The following MED26 variants were observed in gnomAD, a reference collection of about 807,000 sequenced individuals.
The protein encoded by MED26 is mediator of RNA polymerase II transcription subunit 26.
In MED26, 7 loss-of-function variants were observed where a neutral mutation model predicts 43.7. That is an observed-to-expected ratio of 0.16 (90% CI 0.09 to 0.30). MED26 has a LOEUF of 0.30. Ranked by LOEUF, MED26 falls within the 10% of genes least tolerant of loss-of-function variation. The probability of loss-of-function intolerance (pLI) is 1.00; values close to 1 mark genes in which losing one functional copy is unlikely to be tolerated. For missense variants in MED26, 784 were observed against 840.6 expected (o/e 0.93, Z 0.83); for synonymous variants, 375 against 371.1 (o/e 1.01, Z -0.12).
At chr19:16,603,865 T>C (rs1427037746) in intron 1 of MED26, among the ~76,000 whole-genome samples, 2 of 152,130 alleles carry the variant, frequency 1.3e-5, no homozygotes, top group Non-Finnish European at 2.9e-5. Flanking sequence ...GTACAGGCTC[T>C]GGGCAGAGCC....
intron 1 of MED26, among the ~76,000 whole-genome samples, chr19:16,625,013 C>T (rs992764657): frequency 3.9e-5 from 6 of 152,198 alleles, no homozygotes; most frequent in African/African-American, 1.4e-4. Flanking sequence ...ACTATGACTG[C>T]TGTGCGAGAG....
chr19:16,579,468 G>C (rs1019216421), intron 1 of MED26, among the ~76,000 whole-genome samples: 1 of 152,252 alleles, frequency 6.6e-6, no homozygotes, highest in Non-Finnish European at 1.5e-5. Flanking sequence ...TTGTCTGGCA[G>C]AGTGAAGCAT....
At chr19:16,615,469 G>A (rs768590276) in intron 1 of MED26, among the ~76,000 whole-genome samples, 8 of 152,178 alleles carry the variant, frequency 5.3e-5, no homozygotes, top group South Asian at 2.1e-4. Flanking sequence ...GCAGCCAGGC[G>A]TGGGGACTCA....
At chr19:16,612,087 G>A (rs1019337471) in intron 1 of MED26, 2 of 152,264 alleles carry the variant, frequency 1.3e-5, no homozygotes, top group Admixed American at 1.3e-4. Context: ...GGTGATGCAG[G>A]TTGTTGGGGG....
intron 1 of MED26, among the ~76,000 whole-genome samples, chr19:16,603,495 C>T (rs879496278): frequency 1.3e-5 from 2 of 152,036 alleles, no homozygotes; most frequent in Admixed American, 1.3e-4. Context: ...CCCTTCTTTT[C>T]TTCTTAACTT....
chr19:16,578,571 C>T (rs924306728), intron 1 of MED26, 162 bp from the exon 2 acceptor site: 1 of 634,346 alleles, frequency 1.6e-6, no homozygotes, highest in Non-Finnish European at 2.7e-6. Context: ...CTCCCTGGGC[C>T]AACCTGGCAC....
At chr19:16,582,871 G>A (rs2086052723) in intron 1 of MED26, among the ~76,000 whole-genome samples, 1 of 152,360 alleles carries the variant, frequency 6.6e-6, no homozygotes, top group South Asian at 2.1e-4. Context: ...CGGCAGGGGA[G>A]AGGCCATGGG....
At chr19:16,620,437 G>T (rs1030960180) in intron 1 of MED26, among the ~76,000 whole-genome samples, 4 of 152,212 alleles carry the variant, frequency 2.6e-5, no homozygotes, top group Non-Finnish European at 5.9e-5. Flanking sequence ...AAAACCGCTG[G>T]CACCTAGGAC....
At chr19:16,595,926 TTCCTTAGG>T in intron 1 of MED26, among the ~76,000 whole-genome samples, 1 of 152,244 alleles carries the variant, frequency 6.6e-6, no homozygotes, top group Non-Finnish European at 1.5e-5. Flanking sequence ...CTCTCATTTT[TTCCTTAGG>T]AATCAATTCC....
At chr19:16,625,719 C>A (rs1307036014) in intron 1 of MED26, among the ~76,000 whole-genome samples, 1 of 152,170 alleles carries the variant, frequency 6.6e-6, no homozygotes, top group Non-Finnish European at 1.5e-5. Flanking sequence ...CACTGACATG[C>A]CCGGCTCTCA....
intron 1 of MED26, among the ~76,000 whole-genome samples, chr19:16,608,417 G>T (rs1393919418): frequency 6.6e-6 from 1 of 152,208 alleles, no homozygotes; most frequent in Non-Finnish European, 1.5e-5. Context: ...GGAGGACATG[G>T]TGTGCTACTG....
chr19:16,613,182 C>G (rs56200267), intron 1 of MED26, among the ~76,000 whole-genome samples: 2 of 152,054 alleles, frequency 1.3e-5, no homozygotes, highest in Non-Finnish European at 2.9e-5. Context: ...TGTAGAGATT[C>G]GAATCCAGGT....
intron 1 of MED26, among the ~76,000 whole-genome samples, chr19:16,579,943 A>G (rs2086036235): frequency 6.6e-6 from 1 of 152,202 alleles, no homozygotes; most frequent in Non-Finnish European, 1.5e-5. Context: ...CCAGCCTCAA[A>G]CAGAGCCCCT....
At chr19:16,585,346 A>G (rs1228093258) in intron 1 of MED26, among the ~76,000 whole-genome samples, 1 of 152,120 alleles carries the variant, frequency 6.6e-6, no homozygotes, top group Non-Finnish European at 1.5e-5. Context: ...CCTGACCTGT[A>G]CCAGGAAGGA....
chr19:16,615,683 T>C (rs993862145), intron 1 of MED26, among the ~76,000 whole-genome samples: 5 of 150,950 alleles, frequency 3.3e-5, no homozygotes, highest in African/African-American at 9.8e-5. Context: ...GAGGCAGAGG[T>C]TGCAATGAAC....
At chr19:16,592,209 T>C (rs539896528) in intron 1 of MED26, among the ~76,000 whole-genome samples, 10 of 152,258 alleles carry the variant, frequency 6.6e-5, no homozygotes, top group South Asian at 2.1e-4. Context: ...CCCTCCCAGG[T>C]GTGACTCATC....
At chr19:16,610,216 C>T (rs552035697) in intron 1 of MED26, among the ~76,000 whole-genome samples, 58 of 151,998 alleles carry the variant, frequency 3.8e-4, no homozygotes, top group African/African-American at 1.4e-3. Flanking sequence ...GCTATGATTG[C>T]GCTATTGCAC....
At chr19:16,602,805 G>A (rs568193787) in intron 1 of MED26, among the ~76,000 whole-genome samples, 4 of 152,140 alleles carry the variant, frequency 2.6e-5, no homozygotes, top group Non-Finnish European at 5.9e-5. Context: ...GTGGAAAGTC[G>A]AACAGTACGT....
intron 1 of MED26, among the ~76,000 whole-genome samples, chr19:16,614,838 G>A (rs2086216237): frequency 6.6e-6 from 1 of 152,170 alleles, no homozygotes; most frequent in East Asian, 1.9e-4. Context: ...CCAGGGGTCT[G>A]GCCAAATCCA....
Sources: gnomAD v4.1 joint callset for allele counts (sites outside exome capture counted in the v4.1 genomes callset) on GRCh38, gnomAD v4.1.1 for gene constraint, MANE v1.5 for transcripts, NCBI Gene and HGNC (gene_info 2026-07-23, HGNC 2026-07-21) for gene names.